PDGFD: variants seen among roughly 807,000 people sequenced by gnomAD.
PDGFD encodes the protein platelet-derived growth factor D.
In PDGFD, 30 loss-of-function variants were observed where a neutral mutation model predicts 44.7. The observed-to-expected ratio is 0.67, with a 90% CI of 0.50 to 0.91. The LOEUF (loss-of-function observed/expected upper bound fraction) is 0.91, where lower values mean the gene tolerates loss of function less well. PDGFD is among the 40% of genes least tolerant of loss of function. The pLI is 0.00. For synonymous variants in PDGFD, 173 were observed against 168.4 expected (o/e 1.03, Z -0.21); for missense variants, 445 against 457.8 (o/e 0.97, Z 0.25).
intron 3 of PDGFD, among the ~76,000 whole-genome samples, chr11:103,956,550 G>A (rs1385081025): frequency 4.0e-5 from 6 of 150,224 alleles, no homozygotes; most frequent in East Asian, 2.0e-4. Flanking sequence ...ATAGCAGCAC[G>A]ATTTATAGTC....
At chr11:104,108,816 G>C (rs183878513) in intron 1 of PDGFD, among the ~76,000 whole-genome samples, 186 of 152,202 alleles carry the variant, frequency 1.2e-3, no homozygotes, top group Non-Finnish European at 2.4e-3. Context: ...GTCCATCGAC[G>C]ATAGACTGGA....
chr11:103,969,473 G>GTTT (rs1859068972), intron 3 of PDGFD, among the ~76,000 whole-genome samples: 4 of 82,746 alleles, frequency 4.8e-5, no homozygotes, highest in South Asian at 9.5e-4. Context: ...CACCAAGCCT[G>GTTT]GTTTTTTTTT....
At chr11:103,941,380 T>G (rs1858581785) in intron 5 of PDGFD, among the ~76,000 whole-genome samples, 1 of 152,130 alleles carries the variant, frequency 6.6e-6, no homozygotes, top group South Asian at 2.1e-4. Context: ...TAAGTGCTCC[T>G]AACTTTACCA....
chr11:103,948,668 T>C (rs1858698234), intron 3 of PDGFD, among the ~76,000 whole-genome samples: 1 of 152,194 alleles, frequency 6.6e-6, no homozygotes, highest in African/African-American at 2.4e-5. Context: ...TCAGCCACTC[T>C]AGTCTGACAG....
At chr11:104,110,967 G>T (rs1565337947) in intron 1 of PDGFD, among the ~76,000 whole-genome samples, 1 of 152,024 alleles carries the variant, frequency 6.6e-6, no homozygotes, top group Non-Finnish European at 1.5e-5. Flanking sequence ...TTGTCCTAGT[G>T]CAAACAGTTT....
At chr11:104,035,507 C>T (rs1399843492) in intron 1 of PDGFD, among the ~76,000 whole-genome samples, 2 of 150,834 alleles carry the variant, frequency 1.3e-5, no homozygotes. Flanking sequence ...AAAAAAAAAT[C>T]ACAAACACCT....
intron 5 of PDGFD, among the ~76,000 whole-genome samples, chr11:103,938,548 C>A (rs1468326143): frequency 1.3e-5 from 2 of 152,072 alleles, no homozygotes; most frequent in Admixed American, 6.5e-5. Flanking sequence ...TGCAGAAGCT[C>A]TTTAGTTTAA....
At chr11:103,960,951 G>T (rs909512228) in intron 3 of PDGFD, among the ~76,000 whole-genome samples, 11 of 152,026 alleles carry the variant, frequency 7.2e-5, no homozygotes, top group African/African-American at 2.7e-4. Flanking sequence ...CCTCCCAAAG[G>T]CCCCACTTGT....
intron 3 of PDGFD, among the ~76,000 whole-genome samples, chr11:103,980,704 T>C (rs1859258020): frequency 6.6e-6 from 1 of 152,060 alleles, no homozygotes; most frequent in South Asian, 2.1e-4. Context: ...AAATGCCCAA[T>C]ATCACAGTAT....
At chr11:103,944,126 C>T (rs537289164) in intron 4 of PDGFD, among the ~76,000 whole-genome samples, 1 of 152,234 alleles carries the variant, frequency 6.6e-6, no homozygotes, top group African/African-American at 2.4e-5. Context: ...GATGTGTGAG[C>T]AATGTACGAA....
intron 1 of PDGFD, among the ~76,000 whole-genome samples, chr11:104,117,474 T>G (rs1420259480): frequency 6.6e-6 from 1 of 152,016 alleles, no homozygotes; most frequent in African/African-American, 2.4e-5. Context: ...ATTGCTTATG[T>G]AGAAAACCAT....
At chr11:104,066,808 A>C (rs2134417981) in intron 1 of PDGFD, among the ~76,000 whole-genome samples, 1 of 152,218 alleles carries the variant, frequency 6.6e-6, no homozygotes, top group African/African-American at 2.4e-5. Context: ...ATCAAATCAC[A>C]CTCGGCCTTT....
chr11:104,158,144 A>T (rs1862334531), intron 1 of PDGFD, among the ~76,000 whole-genome samples: 1 of 152,228 alleles, frequency 6.6e-6, no homozygotes, highest in Admixed American at 6.5e-5. Flanking sequence ...TTCCTCCATT[A>T]AAGCGCATAT....
chr11:103,927,626 G>T (rs1329577843), intron 5 of PDGFD, among the ~76,000 whole-genome samples: 2 of 152,080 alleles, frequency 1.3e-5, no homozygotes, highest in Non-Finnish European at 2.9e-5. Context: ...ATAAAGAAAA[G>T]GGTTTTAGTT....
chr11:104,049,789 A>G (rs1014943981), intron 1 of PDGFD, among the ~76,000 whole-genome samples: 8 of 152,152 alleles, frequency 5.3e-5, no homozygotes, highest in Admixed American at 4.6e-4. Flanking sequence ...GTTTAGGATG[A>G]GGTCTGAGAA....
chr11:104,117,541 A>G lies in PDGFD; in HGVS notation c.124+46263T>C, dbSNP rs142463164. On this transcript the variant is annotated intron_variant, in intron 1 of 6. Coordinates refer to ENST00000393158, the MANE Select transcript of PDGFD (RefSeq NM_025208.5). ...TAAAATAATTCAGCAAAGTTTCCAGACACAAAATTAATGTACACAAATTAG... is the reference window on the plus strand; with the variant it reads ...TAAAATAATTCAGCAAAGTTTCCAGGCACAAAATTAATGTACACAAATTAG... Among the ~76,000 whole-genome samples the G allele has an allele frequency of 7.2e-3, 1,101 of 152,194 alleles. 7 individuals carry two copies. The highest frequency in any genetic ancestry group is 0.024 in the African/African-American group (986 of 41,540).
At chr11:104,136,804 TATATTTTATGA>T (rs1192111364) in intron 1 of PDGFD, among the ~76,000 whole-genome samples, 1 of 152,218 alleles carries the variant, frequency 6.6e-6, no homozygotes, top group Non-Finnish European at 1.5e-5. Flanking sequence ...TCATCACTTT[TATATTTTATGA>T]AGAATTTGTC....
At chr11:104,060,117 G>A (rs1057334752) in intron 1 of PDGFD, among the ~76,000 whole-genome samples, 6 of 152,188 alleles carry the variant, frequency 3.9e-5, no homozygotes, top group Non-Finnish European at 5.9e-5. Context: ...TCAAAAGACC[G>A]ACTAATGGGG....
chr11:103,974,452 C>A lies in PDGFD; in HGVS notation c.510+21613G>T, dbSNP rs539382010. Among the ~76,000 whole-genome samples, 15 of 152,230 alleles carry A rather than the reference C, an allele frequency of 9.9e-5. No homozygotes were observed. In the East Asian group the frequency reaches 2.9e-3, roughly 29 times the overall value. On this transcript the variant is annotated intron_variant, in intron 3 of 6. Transcript: ENST00000393158. ...CCCTTGTCCCATCCTTAGCTGTTCA[C>A]ACTTTTATTTATTTATTTATAATTA...
Sources: allele counts gnomAD v4.1 joint callset (sites outside exome capture counted in the v4.1 genomes callset), GRCh38; gene constraint gnomAD v4.1.1; transcripts MANE v1.5; gene names NCBI Gene and HGNC (gene_info 2026-07-23, HGNC 2026-07-21).